MACROD2: variants seen among roughly 807,000 people sequenced by gnomAD.
MACROD2 encodes ADP-ribose glycohydrolase MACROD2.
MACROD2 carries 36 observed loss-of-function variants against 70.4 expected under a neutral mutation model. That is an observed-to-expected ratio of 0.51 (90% CI 0.39 to 0.68). The LOEUF (loss-of-function observed/expected upper bound fraction) is 0.68. Among genes scored for constraint, MACROD2 ranks in the 30% least tolerant of loss-of-function variants. The probability of loss-of-function intolerance (pLI) is 0.00; values close to 1 mark genes in which losing one functional copy is unlikely to be tolerated. For synonymous variants in MACROD2, 172 were observed against 178.8 expected, an observed-to-expected ratio of 0.96 and a Z score of 0.30; for missense variants, 496 against 538.4, an observed-to-expected ratio of 0.92 and a Z score of 0.78.
chr20:14,728,594 C>A (rs1322343434), intron 5 of MACROD2, among the ~76,000 whole-genome samples: 1 of 152,106 alleles, frequency 6.6e-6, no homozygotes, highest in African/African-American at 2.4e-5. Context: ...GAGATGAGCT[C>A]CCGATATCTC....
chr20:14,168,277 C>T, intron 3 of MACROD2, among the ~76,000 whole-genome samples: 1 of 152,004 alleles, frequency 6.6e-6, no homozygotes, highest in Non-Finnish European at 1.5e-5. Context: ...AATGAACCAC[C>T]ATAGAGATAT....
intron 5 of MACROD2, among the ~76,000 whole-genome samples, chr20:14,700,039 A>G (rs1359945339): frequency 6.6e-6 from 1 of 151,822 alleles, no homozygotes; most frequent in Admixed American, 6.6e-5. Context: ...TTAAAGTTTA[A>G]AGTTTAAATC....
intron 6 of MACROD2, among the ~76,000 whole-genome samples, chr20:15,345,106 A>C (rs113961784): frequency 6.6e-6 from 1 of 152,286 alleles, no homozygotes; most frequent in African/African-American, 2.4e-5. Flanking sequence ...TAAGAACATT[A>C]ATTAATGAGA....
intron 8 of MACROD2, among the ~76,000 whole-genome samples, chr20:15,780,937 A>G (rs1018624789): frequency 1.3e-5 from 2 of 152,104 alleles, no homozygotes; most frequent in Non-Finnish European, 2.9e-5. Context: ...TATACCTTGA[A>G]TACATTGAAT....
chr20:15,414,932 T>C (rs2046126522), intron 6 of MACROD2, among the ~76,000 whole-genome samples: 2 of 152,198 alleles, frequency 1.3e-5, no homozygotes, highest in South Asian at 2.1e-4. Context: ...GCCTAAATGA[T>C]TGGATACACA....
chr20:14,922,454 T>G (rs1045842627), intron 5 of MACROD2, among the ~76,000 whole-genome samples: 8 of 152,202 alleles, frequency 5.3e-5, no homozygotes, highest in African/African-American at 1.7e-4. Flanking sequence ...GAAAGTTTGC[T>G]TTTATATTCC....
At chr20:15,458,627 GTTTTTTT>G (rs1195911390) in intron 7 of MACROD2, among the ~76,000 whole-genome samples, 6 of 108,946 alleles carry the variant, frequency 5.5e-5, no homozygotes, top group African/African-American at 1.9e-4. Flanking sequence ...TTGTTTTTTT[GTTTTTTT>G]TTTTTAAAAA....
At chr20:14,182,998 G>A (rs1190678473) in intron 3 of MACROD2, among the ~76,000 whole-genome samples, 2 of 149,872 alleles carry the variant, frequency 1.3e-5, no homozygotes, top group Non-Finnish European at 3.0e-5. Context: ...TAAGTTCAGT[G>A]GTGTGAGTGC....
chr20:15,049,431 C>A (rs1037775075), intron 5 of MACROD2, among the ~76,000 whole-genome samples: 1 of 151,612 alleles, frequency 6.6e-6, no homozygotes, highest in Non-Finnish European at 1.5e-5. Flanking sequence ...ACAATTCTAT[C>A]TCATCATTGG....
intron 9 of MACROD2, among the ~76,000 whole-genome samples, chr20:15,873,037 T>G (rs1472863293): frequency 6.6e-6 from 1 of 152,230 alleles, no homozygotes; most frequent in Admixed American, 6.5e-5. Flanking sequence ...TCTATTTGCT[T>G]ATAAATAATA....
chr20:14,769,852 T>C (rs1231237964), intron 5 of MACROD2, among the ~76,000 whole-genome samples: 1 of 152,044 alleles, frequency 6.6e-6, no homozygotes, highest in Admixed American at 6.6e-5. Context: ...GAAAAAGTAT[T>C]AGCTACAAGA....
At chr20:14,778,094 A>T (rs1048555438) in intron 5 of MACROD2, among the ~76,000 whole-genome samples, 1 of 152,048 alleles carries the variant, frequency 6.6e-6, no homozygotes, top group Non-Finnish European at 1.5e-5. Context: ...GGTCCCAGAG[A>T]TGCTAAGTCA....
chr20:15,477,654 T>C (rs2047040796), intron 7 of MACROD2, among the ~76,000 whole-genome samples: 1 of 152,134 alleles, frequency 6.6e-6, no homozygotes, highest in Admixed American at 6.6e-5. Context: ...TTCATTTTTG[T>C]TGGAGACTGT....
intron 8 of MACROD2, among the ~76,000 whole-genome samples, chr20:15,750,153 A>C (rs75668649): frequency 1.3e-5 from 2 of 152,070 alleles, no homozygotes; most frequent in East Asian, 3.8e-4. Context: ...ATTCAAGAGC[A>C]AAACAACAAA....
chr20:14,553,825 G>C, intron 4 of MACROD2, among the ~76,000 whole-genome samples: 1 of 152,130 alleles, frequency 6.6e-6, no homozygotes, highest in Non-Finnish European at 1.5e-5. Context: ...GGTCCAATTT[G>C]AAGTAAGAAA....
intron 8 of MACROD2, among the ~76,000 whole-genome samples, chr20:15,646,858 C>G (rs1253053485): frequency 6.6e-6 from 1 of 152,214 alleles, no homozygotes; most frequent in Non-Finnish European, 1.5e-5. Flanking sequence ...AGTTAAACCT[C>G]TTTCCTTTGT....
At chr20:14,432,301 AG>A (rs1160033723) in intron 3 of MACROD2, among the ~76,000 whole-genome samples, 1 of 152,086 alleles carries the variant, frequency 6.6e-6, no homozygotes, top group African/African-American at 2.4e-5. Flanking sequence ...CTTTATGGGT[AG>A]CTCATACGTC....
intron 8 of MACROD2, among the ~76,000 whole-genome samples, chr20:15,612,677 A>G (rs2048985772): frequency 6.6e-6 from 1 of 152,374 alleles, no homozygotes; most frequent in Non-Finnish European, 1.5e-5. Context: ...ATATTGTAAG[A>G]GAGAATGAAT....
chr20:15,951,226 A>G (rs951709236), intron 12 of MACROD2, among the ~76,000 whole-genome samples: 1 of 151,170 alleles, frequency 6.6e-6, no homozygotes, highest in Admixed American at 6.6e-5. Context: ...CACAAGCAGG[A>G]ATGTTTTGCT....
Sources: allele counts gnomAD v4.1 joint callset (sites outside exome capture counted in the v4.1 genomes callset), GRCh38; gene constraint gnomAD v4.1.1; transcripts MANE v1.5; gene names NCBI Gene and HGNC (gene_info 2026-07-23, HGNC 2026-07-21).